The following ANO10 variants were observed in gnomAD, a reference collection of about 807,000 sequenced individuals.
ANO10 encodes anoctamin-10.
In ANO10, 77 loss-of-function variants were observed where a neutral mutation model predicts 74.7. The ratio of observed to expected loss-of-function variants is 1.03; its 90% CI spans 0.86 to 1.25. The LOEUF (loss-of-function observed/expected upper bound fraction) is 1.25. ANO10 is among the 50% of genes most tolerant of loss of function. The pLI is 0.00. For missense variants in ANO10, 721 were observed against 778.1 expected, an observed-to-expected ratio of 0.93 and a Z score of 0.87; for synonymous variants, 279 against 284.9, an observed-to-expected ratio of 0.98 and a Z score of 0.21.
At chr3:43,547,952 T>A (rs907944268) in intron 11 of ANO10, among the ~76,000 whole-genome samples, 10 of 152,190 alleles carry the variant, frequency 6.6e-5, no homozygotes, top group Non-Finnish European at 1.3e-4. Context: ...AAGAGCTGGC[T>A]CATGAGAGAG....
At chr3:43,643,435 T>A (rs909728540) in intron 1 of ANO10, among the ~76,000 whole-genome samples, 1 of 151,930 alleles carries the variant, frequency 6.6e-6, no homozygotes, top group Non-Finnish European at 1.5e-5. Flanking sequence ...CCATAGGGTT[T>A]GTTCCATTTT....
chr3:43,535,808 TATG>T (rs1342582730), intron 11 of ANO10, among the ~76,000 whole-genome samples: 2 of 152,178 alleles, frequency 1.3e-5, no homozygotes, highest in African/African-American at 4.8e-5. Context: ...AACTAGTAAC[TATG>T]ATATCAGTTG....
At chr3:43,490,597 G>A (rs2076681300) in intron 11 of ANO10, among the ~76,000 whole-genome samples, 1 of 152,200 alleles carries the variant, frequency 6.6e-6, no homozygotes, top group South Asian at 2.1e-4. Context: ...GAAAAAGATG[G>A]AAGGCTCCTC....
intron 10 of ANO10, among the ~76,000 whole-genome samples, chr3:43,553,366 T>C (rs1368642708): frequency 6.6e-6 from 1 of 152,172 alleles, no homozygotes; most frequent in Non-Finnish European, 1.5e-5. Flanking sequence ...ATTTAAAAAG[T>C]TCTTAGCCGT....
intron 1 of ANO10, among the ~76,000 whole-genome samples, chr3:43,640,064 A>AAAAT: frequency 6.6e-6 from 1 of 152,340 alleles, no homozygotes; most frequent in Admixed American, 6.5e-5. Context: ...GTCTGAAAAC[A>AAAAT]GTGTTCTGGA....
intron 11 of ANO10, among the ~76,000 whole-genome samples, chr3:43,434,986 T>C (rs2093045532): frequency 6.6e-6 from 1 of 152,238 alleles, no homozygotes; most frequent in Admixed American, 6.5e-5. Context: ...ATGGTGGCAC[T>C]ATAGGCAGTC....
chr3:43,379,303 T>C (rs772460049), intron 12 of ANO10, among the ~76,000 whole-genome samples: 33 of 152,234 alleles, frequency 2.2e-4, no homozygotes, highest in Non-Finnish European at 3.8e-4. Flanking sequence ...ATTTAAAGCA[T>C]ATGTTTTTTA....
intron 11 of ANO10, among the ~76,000 whole-genome samples, chr3:43,437,216 A>G (rs1221957157): frequency 6.6e-6 from 1 of 152,194 alleles, no homozygotes; most frequent in Non-Finnish European, 1.5e-5. Context: ...ATTCTAAAAG[A>G]AACAACACTG....
intron 12 of ANO10, among the ~76,000 whole-genome samples, chr3:43,412,146 AGAT>A (rs1396602479): frequency 6.6e-6 from 1 of 151,726 alleles, no homozygotes; most frequent in Non-Finnish European, 1.5e-5. Context: ...GGCTCAAATA[AGAT>A]TCCTGAAGCT....
chr3:43,461,791 G>T (rs2075389495), intron 11 of ANO10, among the ~76,000 whole-genome samples: 1 of 152,134 alleles, frequency 6.6e-6, no homozygotes. Flanking sequence ...CATGAAAATG[G>T]ACTAATACAG....
At position 43,621,941 on chromosome 3, in the gene ANO10, G is replaced by A. The variant is rs1459296029; in HGVS notation, c.-44C>T. ...CGCAGCGCTCCACGTCTTCGGAGGC[G>A]GGTCCGAGAGCCGGCGAGAACCGGA... On this transcript the variant is annotated 5_prime_UTR_variant, in exon 1 of 13. Coordinates refer to ENST00000292246, the MANE Select transcript of ANO10 (RefSeq NM_018075.5). 6.6e-6 allele frequency: 1 copy of A among 152,544 alleles called. No individual in the cohort carries two copies. Among genetic ancestry groups the A allele is most frequent in the Non-Finnish European group, 1.5e-5 (1 of 68,304 alleles). The allele number at this position is 152,544 out of a possible 1,614,324, so 9.4% of individuals were successfully genotyped here.
At chr3:43,583,525 A>T (rs1382837042) in intron 4 of ANO10, among the ~76,000 whole-genome samples, 1 of 152,248 alleles carries the variant, frequency 6.6e-6, no homozygotes, top group African/African-American at 2.4e-5. Flanking sequence ...CTAATGCAAT[A>T]ACAATACTAA....
intron 1 of ANO10, among the ~76,000 whole-genome samples, chr3:43,686,179 A>G (rs1267440704): frequency 1.3e-5 from 2 of 152,114 alleles, no homozygotes; most frequent in Admixed American, 6.6e-5. Flanking sequence ...CCAGACTTTC[A>G]TATCTGTCAA....
At chr3:43,442,664 C>A (rs1025575459) in intron 11 of ANO10, among the ~76,000 whole-genome samples, 2 of 152,198 alleles carry the variant, frequency 1.3e-5, no homozygotes, top group African/African-American at 4.8e-5. Context: ...ACAAAAGATT[C>A]TTAATCTCCA....
chr3:43,567,806 A>G (rs890872929), intron 7 of ANO10, among the ~76,000 whole-genome samples: 1 of 152,104 alleles, frequency 6.6e-6, no homozygotes, highest in Non-Finnish European at 1.5e-5. Flanking sequence ...TAACATCATA[A>G]TGACAGGATC....
At chr3:43,559,754 A>T (rs749054723) in intron 9 of ANO10, among the ~76,000 whole-genome samples, 1 of 152,242 alleles carries the variant, frequency 6.6e-6, no homozygotes, top group Non-Finnish European at 1.5e-5. Flanking sequence ...CAAGGAAAGG[A>T]TCCTGACATA....
intron 11 of ANO10, among the ~76,000 whole-genome samples, chr3:43,529,570 A>G (rs2078365548): frequency 6.6e-6 from 1 of 152,220 alleles, no homozygotes; most frequent in Non-Finnish European, 1.5e-5. Context: ...GCAAGCAACA[A>G]AAAGATTTAA....
chr3:43,455,067 G>T (rs1364541360), intron 11 of ANO10, among the ~76,000 whole-genome samples: 2 of 152,148 alleles, frequency 1.3e-5, no homozygotes, highest in African/African-American at 2.4e-5. Context: ...TGCAGTGACA[G>T]GAGAAAAAGT....
chr3:43,560,108 C>T (rs1033156743), intron 9 of ANO10, among the ~76,000 whole-genome samples: 6 of 152,148 alleles, frequency 3.9e-5, no homozygotes, highest in African/African-American at 1.4e-4. Context: ...CTGAGCAAAA[C>T]CAGGGGTTGG....
Sources: gnomAD v4.1 joint callset for allele counts (sites outside exome capture counted in the v4.1 genomes callset) on GRCh38, gnomAD v4.1.1 for gene constraint, MANE v1.5 for transcripts, NCBI Gene and HGNC (gene_info 2026-07-23, HGNC 2026-07-21) for gene names.